RASEF: variants seen among roughly 807,000 people sequenced by gnomAD.
The protein encoded by RASEF is RAS and EF-hand domain containing.
In RASEF, 68 loss-of-function variants were observed where a neutral mutation model predicts 90.1. The observed-to-expected ratio is 0.75, with a 90% CI of 0.62 to 0.92. The LOEUF (loss-of-function observed/expected upper bound fraction) is 0.92, where lower values mean the gene tolerates loss of function less well. RASEF is among the 40% of genes least tolerant of loss of function. RASEF has a pLI of 0.00. For missense variants in RASEF, 949 were observed against 937.2 expected, an observed-to-expected ratio of 1.01 and a Z score of -0.16; for synonymous variants, 331 against 345.2, an observed-to-expected ratio of 0.96 and a Z score of 0.46.
chr9:83,053,140 G>T (rs1480110743), intron 1 of RASEF, among the ~76,000 whole-genome samples: 2 of 61,402 alleles, frequency 3.3e-5, no homozygotes, highest in Admixed American at 2.9e-4. Context: ...TGTTGACAGT[G>T]GGGTGTTAAA....
At chr9:82,999,828 T>C (rs534991487) in intron 12 of RASEF, among the ~76,000 whole-genome samples, 144 of 152,228 alleles carry the variant, frequency 9.5e-4, no homozygotes, top group Middle Eastern at 6.8e-3. Flanking sequence ...GGTCTTGAAC[T>C]CCTGACCTCA....
chr9:83,072,060 T>C, the RASEF span, among the ~76,000 whole-genome samples: 1 of 152,216 alleles, frequency 6.6e-6, no homozygotes, highest in African/African-American at 2.4e-5. Flanking sequence ...AATCTTTTTC[T>C]TAAATTATTT....
At chr9:83,138,525 C>T in the RASEF span, among the ~76,000 whole-genome samples, 1 of 152,188 alleles carries the variant, frequency 6.6e-6, no homozygotes, top group Admixed American at 6.5e-5. Flanking sequence ...GTAGAAAACA[C>T]AGCATATCTT....
intron 1 of RASEF, among the ~76,000 whole-genome samples, chr9:83,056,606 AG>A (rs1402297906): frequency 6.6e-6 from 1 of 152,254 alleles, no homozygotes; most frequent in Non-Finnish European, 1.5e-5. Context: ...TAACCTGGGC[AG>A]AAAATAAGAA....
In RASEF at chr9:83,062,558, C is replaced by T; in HGVS notation, c.310G>A (p.Glu104Lys). The change falls in exon 1 of 17, where the codon GAG becomes AAG. Residue 104 changes from glutamate (E) to lysine (K), a missense_variant. Glu to Lys is a moderately conservative substitution (Grantham distance 56). Around this residue, in one of 3 missense-constraint regions of RASEF, gnomAD observed 656 missense variants for 592.2 expected, o/e 1.11. Transcript: ENST00000376447. ...GCCGCGTCCTCGTCGCCTTCGTCCT[C>T]CTCGCTGTCGTGTGTCTCCGGCCCC... The part of the protein sequence containing the change: ...EAGPETHDSE[E>K]DEGDEDAAAA... 6.3e-7 allele frequency: 1 copy of T among 1,599,102 alleles called. No individual in the cohort carries two copies.
At chr9:83,087,405 T>TTCTCTCTTTCTC in the RASEF span, among the ~76,000 whole-genome samples, 1 of 115,532 alleles carries the variant, frequency 8.7e-6, no homozygotes, top group African/African-American at 3.3e-5. Flanking sequence ...TTCTCATTCA[T>TTCTCTCTTTCTC]TCTCTCTCTC....
intron 1 of RASEF, among the ~76,000 whole-genome samples, chr9:83,041,267 A>T (rs534681635): frequency 6.6e-6 from 1 of 152,316 alleles, no homozygotes; most frequent in South Asian, 2.1e-4. Context: ...ATTATGTTAA[A>T]ACTATTTATA....
the RASEF span, among the ~76,000 whole-genome samples, chr9:83,089,941 G>GAT: frequency 1.4e-3 from 196 of 137,214 alleles, 2 homozygotes; most frequent in African/African-American, 4.1e-3. Context: ...TAGATAGATA[G>GAT]ATAGATATAG....
chr9:83,052,937 A>T (rs1431328911), intron 1 of RASEF, among the ~76,000 whole-genome samples: 1 of 146,428 alleles, frequency 6.8e-6, no homozygotes, highest in East Asian at 2.0e-4. Context: ...GTTCTTTTAC[A>T]TTTGCTGAGG....
chr9:83,025,754 A>T (rs1458767292), intron 2 of RASEF, 21 bp downstream of exon 2: 2 of 1,610,510 alleles, frequency 1.2e-6, no homozygotes, highest in Non-Finnish European at 1.7e-6. Flanking sequence ...CAGGCCACTT[A>T]TAAAGGAAGG....
intron 1 of RASEF, among the ~76,000 whole-genome samples, chr9:83,038,760 AAT>A (rs1375901229): frequency 5.3e-5 from 8 of 152,180 alleles, no homozygotes; most frequent in Admixed American, 2.0e-4. Flanking sequence ...CAGATAATAA[AAT>A]AGTGTTTTGA....
the RASEF span, among the ~76,000 whole-genome samples, chr9:83,155,614 G>A: frequency 3.8e-4 from 58 of 152,174 alleles, no homozygotes; most frequent in African/African-American, 1.3e-3. Context: ...ATTTGGGTGA[G>A]GACACAGCCA....
the RASEF span, among the ~76,000 whole-genome samples, chr9:83,142,466 A>C: frequency 6.6e-6 from 1 of 152,228 alleles, no homozygotes; most frequent in African/African-American, 2.4e-5. Flanking sequence ...TTTTTCCCAT[A>C]ATACTTCAAA....
the RASEF span, among the ~76,000 whole-genome samples, chr9:83,085,785 C>G: frequency 6.6e-6 from 1 of 151,672 alleles, no homozygotes; most frequent in Non-Finnish European, 1.5e-5. Flanking sequence ...ATTAGCGAGG[C>G]GTGGTGGCAT....
rs1564072717 is a variant in RASEF at position 83,001,015 on chromosome 9, A to T, written c.1318T>A (p.Leu440Met). ...SLPESCFDSG[L>M]STLRDPNEYD... ...TCATTGGGATCTCTCAAGGTAGACA[A>T]GCCGCTGTCGAAGCAGCTTTCAGGC... The change falls in exon 10 of 17, where the codon TTG becomes ATG. Residue 440 changes from leucine to methionine, a missense_variant. Physicochemically the swap from Leu to Met is conservative, Grantham distance 15 (BLOSUM62 2). Coordinates refer to ENST00000376447, the MANE Select transcript of RASEF (RefSeq NM_152573.4). The T allele has an allele frequency of 1.2e-6, 2 of 1,614,060 alleles. No individual in the cohort carries two copies. Among genetic ancestry groups the T allele is most frequent in the Non-Finnish European group, 1.7e-6 (2 of 1,180,018 alleles).
At chr9:83,130,353 C>T in the RASEF span, among the ~76,000 whole-genome samples, 1 of 152,234 alleles carries the variant, frequency 6.6e-6, no homozygotes, top group African/African-American at 2.4e-5. Flanking sequence ...ATAGCCTCCC[C>T]AATTATCAAC....
intron 1 of RASEF, among the ~76,000 whole-genome samples, chr9:83,026,325 AT>A (rs1377118495): frequency 2.0e-5 from 3 of 152,130 alleles, no homozygotes; most frequent in African/African-American, 7.2e-5. Flanking sequence ...GTATTAGTCC[AT>A]TTTCACACTG....
intron 16 of RASEF, among the ~76,000 whole-genome samples, chr9:82,989,773 G>A (rs965105360): frequency 2.6e-5 from 4 of 151,974 alleles, no homozygotes; most frequent in African/African-American, 9.7e-5. Context: ...GGCCAGTAAA[G>A]AATAATCTTT....
the RASEF span, among the ~76,000 whole-genome samples, chr9:83,121,436 C>T: frequency 2.0e-5 from 3 of 152,178 alleles, no homozygotes; most frequent in African/African-American, 2.4e-5. Context: ...CATTGCTGCT[C>T]ATTACATTTT....
Sources: gnomAD v4.1 joint callset for allele counts (sites outside exome capture counted in the v4.1 genomes callset) on GRCh38, gnomAD v4.1.1 for gene constraint, gnomAD v4.1.1 regional missense constraint, MANE v1.5 for transcripts, NCBI Gene and HGNC (gene_info 2026-07-23, HGNC 2026-07-21) for gene names.